The following SNAPC5 variants were observed in gnomAD, a reference collection of about 807,000 sequenced individuals.
SNAPC5 encodes snRNA-activating protein complex subunit 5.
Under a neutral mutation model 9.1 loss-of-function variants are expected in SNAPC5, and 12 were observed. That is an observed-to-expected ratio of 1.32 (90% CI 0.85 to 2.15). SNAPC5 has a LOEUF of 2.15. Among genes scored for constraint, SNAPC5 ranks in the 30% most tolerant of loss-of-function variants. The probability of loss-of-function intolerance (pLI) is 0.00; values close to 1 mark genes in which losing one functional copy is unlikely to be tolerated. For synonymous variants in SNAPC5, 52 were observed against 47.3 expected (o/e 1.10, Z -0.41); for missense variants, 132 against 114.4 (o/e 1.15, Z -0.70).
downstream of SNAPC5, chr15:66,490,495 C>T (rs538726920): frequency 2.5e-6 from 4 of 1,591,808 alleles, no homozygotes; most frequent in Non-Finnish European, 2.6e-6. Context: ...CGTTTCCTTA[C>T]ATGCAGGTTC....
At chr15:66,497,551 C>A (rs770281541) in intron 1 of SNAPC5, 91 bp downstream of exon 1, 1 of 1,124,694 alleles carries the variant, frequency 8.9e-7, no homozygotes, top group South Asian at 1.2e-5. Flanking sequence ...GAGAACTGGC[C>A]GCAGCAGGTG....
At chr15:66,492,478 CA>C (rs1701568150), downstream of SNAPC5, among the ~76,000 whole-genome samples, 4 of 152,130 alleles carry the variant, frequency 2.6e-5, no homozygotes. Context: ...TCTAAGTCAA[CA>C]GTTTAACTTA....
At position 66,493,992 on chromosome 15, in the gene SNAPC5, T is replaced by C. The variant is rs537535461; in HGVS notation, c.*444A>G. 1 of 155,690 alleles carries C rather than the reference T, an allele frequency of 6.4e-6. No homozygotes were observed. Among genetic ancestry groups the C allele is most frequent in the South Asian group, 2.0e-4 (1 of 5,094 alleles). The allele number at this position is 155,690 out of a possible 1,614,324, so 9.6% of individuals were successfully genotyped here. A position where few individuals can be genotyped will look rare whatever the true frequency, so the allele number is the denominator to read the frequency against. Reference sequence around the variant, plus strand: ...TCAGTCCTTCCCCTTGTCATCTTTCTGTCCTAGACTGTGTCCTAACTGCTC... The same window carrying C: ...TCAGTCCTTCCCCTTGTCATCTTTCCGTCCTAGACTGTGTCCTAACTGCTC... On this transcript the variant is annotated 3_prime_UTR_variant, in exon 3 of 3. Coordinates refer to ENST00000316634, the MANE Select transcript of SNAPC5 (RefSeq NM_001329615.2).
rs1893322824 is a variant in SNAPC5 at position 66,493,473 on chromosome 15, G to C, written c.*963C>G. 6.6e-6 allele frequency: 1 copy of C among 152,100 alleles called. No individual in the cohort carries two copies. The highest frequency in any genetic ancestry group is 2.1e-4 in the South Asian group (1 of 4,826). 9.4% of individuals were successfully genotyped at this position (152,100 alleles called of 1,614,324 possible). A position where few individuals can be genotyped will look rare whatever the true frequency, so the allele number is the denominator to read the frequency against. ...AGTTCGAGAGCAGCCTGACCAACATGGAAAAATCCCATCTTTACTAAAAAT... is the reference window on the plus strand; with the variant it reads ...AGTTCGAGAGCAGCCTGACCAACATCGAAAAATCCCATCTTTACTAAAAAT... On this transcript the variant is annotated 3_prime_UTR_variant, in exon 3 of 3. Transcript: ENST00000316634.
chr15:66,490,115 C>T (rs1893197884), downstream of SNAPC5: 4 of 520,166 alleles, frequency 7.7e-6, no homozygotes, highest in African/African-American at 3.8e-5. Flanking sequence ...CCTGCTGTCT[C>T]GTTTGGTGGC....
chr15:66,494,195 A>G lies in SNAPC5; in HGVS notation c.*241T>C, dbSNP rs1893348169. 2 of 434,398 alleles carry G rather than the reference A, an allele frequency of 4.6e-6. No homozygotes were observed. Among genetic ancestry groups the G allele is most frequent in the South Asian group, 3.5e-5 (1 of 28,702 alleles). The allele number at this position is 434,398 out of a possible 1,614,324, so 26.9% of individuals were successfully genotyped here. On this transcript the variant is annotated 3_prime_UTR_variant, in exon 3 of 3. Transcript: ENST00000316634. ...TTAACTGAATCTGACCAGATTACAG[A>G]CAGCACCACCCATATTACTCAATGC...
At chr15:66,497,571 G>A in intron 1 of SNAPC5, 71 bp downstream of exon 1, 2 of 1,388,986 alleles carry the variant, frequency 1.4e-6, no homozygotes, top group Non-Finnish European at 2.1e-6. Flanking sequence ...GGTCACCACA[G>A]AGGCCCAGGT....
At chr15:66,491,597 G>A (rs917193075), downstream of SNAPC5, 8 of 184,692 alleles carry the variant, frequency 4.3e-5, no homozygotes, top group Non-Finnish European at 9.2e-5. Context: ...AGAAATACTG[G>A]TTTAGCCAAG....
chr15:66,494,836 A>G (rs1313516083), intron 2 of SNAPC5: 1 of 371,396 alleles, frequency 2.7e-6, no homozygotes, highest in Non-Finnish European at 4.9e-6. Flanking sequence ...CATGGTTTTA[A>G]ATGTCTTAAC....
Position 66,494,130 on chromosome 15 carries a change from T to C in SNAPC5, c.*306A>G, listed in dbSNP as rs181066415. 101 of 266,786 alleles carry C rather than the reference T, an allele frequency of 3.8e-4. No homozygotes were observed. The highest frequency in any genetic ancestry group is 4.3e-4 in the Non-Finnish European group (59 of 138,428). 16.5% of individuals were successfully genotyped at this position (266,786 alleles called of 1,614,324 possible). ...TCTGCTCTTTTTGCAAATGACAGAC[T>C]TTCTCAACAGTATTTCAGAGGAAAT... On this transcript the variant is annotated 3_prime_UTR_variant, in exon 3 of 3. Transcript: ENST00000316634.
At chr15:66,490,315 T>C, downstream of SNAPC5, 1 of 700,560 alleles carries the variant, frequency 1.4e-6, no homozygotes, top group Non-Finnish European at 2.6e-6. Flanking sequence ...GCCTCACAGC[T>C]GCTGTGACTG....
downstream of SNAPC5, chr15:66,491,683 T>C (rs1348811144): frequency 3.5e-6 from 1 of 286,404 alleles, no homozygotes; most frequent in Non-Finnish European, 6.8e-6. Context: ...TTCAGTGCTT[T>C]GGACTAATGG....
At chr15:66,494,852 A>C (rs1344982514) in intron 2 of SNAPC5, 6 of 345,704 alleles carry the variant, frequency 1.7e-5, no homozygotes, top group Non-Finnish European at 3.2e-5. Context: ...TTAACACACA[A>C]AATCTGGGAG....
At chr15:66,496,373 G>A (rs2140702912) in intron 1 of SNAPC5, among the ~76,000 whole-genome samples, 1 of 152,304 alleles carries the variant, frequency 6.6e-6, no homozygotes, top group East Asian at 1.9e-4. Flanking sequence ...GCTGAGACAG[G>A]AGAATCCCTT....
At chr15:66,496,074 C>T (rs1279781118) in intron 1 of SNAPC5, among the ~76,000 whole-genome samples, 1 of 151,586 alleles carries the variant, frequency 6.6e-6, no homozygotes, top group Non-Finnish European at 1.5e-5. Context: ...TATAACTTCC[C>T]TAAGGAAAAA....
chr15:66,490,172 C>T (rs529934966), downstream of SNAPC5: 4 of 515,750 alleles, frequency 7.8e-6, no homozygotes, highest in African/African-American at 1.9e-5. Flanking sequence ...CAGCCATAGA[C>T]GGTGTATATA....
chr15:66,493,068 ACTT>A (rs1173893327), downstream of SNAPC5, among the ~76,000 whole-genome samples: 1 of 152,126 alleles, frequency 6.6e-6, no homozygotes, highest in East Asian at 1.9e-4. Context: ...GCTCATTTAA[ACTT>A]CTGGCTGTTT....
downstream of SNAPC5, chr15:66,490,197 C>CTAAG: frequency 1.8e-6 from 1 of 543,190 alleles, no homozygotes. Flanking sequence ...ATAATATGCA[C>CTAAG]TAAGTCCATC....
chr15:66,493,698 A>G lies in SNAPC5; in HGVS notation c.*738T>C, dbSNP rs1893331187. The G allele has an allele frequency of 6.6e-6, 1 of 152,260 alleles. No homozygotes were observed. The highest frequency in any genetic ancestry group is 1.5e-5 in the Non-Finnish European group (1 of 68,064). The allele number at this position is 152,260 out of a possible 1,614,324, so 9.4% of individuals were successfully genotyped here. A position where few individuals can be genotyped will look rare whatever the true frequency, so the allele number is the denominator to read the frequency against. On this transcript the variant is annotated 3_prime_UTR_variant, in exon 3 of 3. Transcript: ENST00000316634. The stretch of plus-strand genomic sequence containing the variant: ...AACAAAACAAAAAATCCAGTCTTCC[A>G]AGCATGGCACATCTCTCTTAAGGAC...
Sources: gnomAD v4.1 joint callset for allele counts (sites outside exome capture counted in the v4.1 genomes callset) on GRCh38, gnomAD v4.1.1 for gene constraint, MANE v1.5 for transcripts, NCBI Gene and HGNC (gene_info 2026-07-23, HGNC 2026-07-21) for gene names.